Variants in GAS7 observed in about 807,000 individuals in gnomAD.
The protein encoded by GAS7 is growth arrest specific 7.
In GAS7, 28 loss-of-function variants were observed where a neutral mutation model predicts 71.1. The observed-to-expected ratio is 0.39, with a 90% CI of 0.29 to 0.54. GAS7 has a LOEUF of 0.54. Among genes scored for constraint, GAS7 ranks in the 20% least tolerant of loss-of-function variants. The probability of loss-of-function intolerance (pLI) is 0.62; values close to 1 mark genes in which losing one functional copy is unlikely to be tolerated. For synonymous variants in GAS7, 258 were observed against 245.8 expected (o/e 1.05, Z -0.46); for missense variants, 436 against 627.8 (o/e 0.69, Z 3.27).
At chr17:10,094,540 C>A (rs2152257871) in intron 1 of GAS7, among the ~76,000 whole-genome samples, 1 of 152,050 alleles carries the variant, frequency 6.6e-6, no homozygotes, top group East Asian at 1.9e-4. Context: ...GCGATCTCGG[C>A]TCACTGCAAC....
intron 6 of GAS7, among the ~76,000 whole-genome samples, chr17:9,944,654 G>A (rs1051394340): frequency 2.2e-4 from 34 of 152,280 alleles, no homozygotes; most frequent in African/African-American, 7.9e-4. Context: ...ATAACTCAAA[G>A]GCCTCCGGCC....
chr17:10,040,960 G>C (rs2072851961), intron 1 of GAS7, among the ~76,000 whole-genome samples: 1 of 152,142 alleles, frequency 6.6e-6, no homozygotes, highest in Admixed American at 6.5e-5. Flanking sequence ...TCAGGAGTTT[G>C]AGACTAGCAT....
chr17:10,181,202 T>A (rs1368695109), intron 1 of GAS7, among the ~76,000 whole-genome samples: 3 of 146,372 alleles, frequency 2.0e-5, no homozygotes, highest in African/African-American at 7.6e-5. Flanking sequence ...TCTACTACAG[T>A]ACAAAAAATT....
intron 7 of GAS7, among the ~76,000 whole-genome samples, 186 bp downstream of exon 7, chr17:9,942,935 A>G (rs373392823): frequency 6.6e-4 from 101 of 152,306 alleles, no homozygotes; most frequent in African/African-American, 2.2e-3. Flanking sequence ...TAAAAACACT[A>G]TATCGGCCAA....
chr17:10,072,973 G>T (rs752319928), intron 1 of GAS7, among the ~76,000 whole-genome samples: 1 of 152,160 alleles, frequency 6.6e-6, no homozygotes, highest in African/African-American at 2.4e-5. Context: ...TAAGTAAATG[G>T]AGCAAAGTGG....
intron 1 of GAS7, among the ~76,000 whole-genome samples, chr17:10,044,469 T>C (rs753060839): frequency 2.6e-5 from 4 of 152,214 alleles, no homozygotes; most frequent in Admixed American, 1.3e-4. Flanking sequence ...AATGGTGCCA[T>C]ACACAGTCTG....
chr17:10,071,510 C>T (rs1270274590), intron 1 of GAS7, among the ~76,000 whole-genome samples: 1 of 152,172 alleles, frequency 6.6e-6, no homozygotes, highest in African/African-American at 2.4e-5. Flanking sequence ...CGAGGGCTCA[C>T]CCTGCAGACC....
At chr17:10,105,204 C>T (rs1597794677) in intron 1 of GAS7, among the ~76,000 whole-genome samples, 1 of 152,076 alleles carries the variant, frequency 6.6e-6, no homozygotes, top group Non-Finnish European at 1.5e-5. Context: ...GTTGGTAAGG[C>T]GTCTCCCTCT....
chr17:10,173,735 T>C (rs111848666), intron 1 of GAS7, among the ~76,000 whole-genome samples: 26,895 of 151,038 alleles, frequency 0.18, 2,527 homozygotes, highest in Middle Eastern at 0.25. Flanking sequence ...GCCACTGCAC[T>C]GCAGCCTGGG....
At chr17:9,952,106 C>T (rs532700274) in intron 5 of GAS7, among the ~76,000 whole-genome samples, 23 of 152,274 alleles carry the variant, frequency 1.5e-4, no homozygotes, top group Admixed American at 4.6e-4. Context: ...GTCCCAGAGT[C>T]GAGGATGAAC....
rs926587251 is a variant in GAS7 at position 9,911,597 on chromosome 17, C to G, written c.*5631G>C. 2 of 233,028 alleles carry G rather than the reference C, an allele frequency of 8.6e-6. No homozygotes were observed. The highest frequency in any genetic ancestry group is 4.4e-5 in the African/African-American group (2 of 45,314). The allele number at this position is 233,028 out of a possible 1,614,324, so 14.4% of individuals were successfully genotyped here. On this transcript the variant is annotated 3_prime_UTR_variant, in exon 14 of 14. Coordinates refer to ENST00000432992, the MANE Select transcript of GAS7 (RefSeq NM_201433.2). This position sits in a 1 kb window ranked among gnomAD's most constrained non-coding sequence, Gnocchi z 4.0. ...TTTTGCCCTCTGTCTGATTCTCGCTCTAACCTGCTGCAATGGGAATTGCTT... is the reference window on the plus strand; with the variant it reads ...TTTTGCCCTCTGTCTGATTCTCGCTGTAACCTGCTGCAATGGGAATTGCTT...
At chr17:10,150,415 TACACACACACAC>T (rs3051267) in intron 1 of GAS7, among the ~76,000 whole-genome samples, 111 of 145,838 alleles carry the variant, frequency 7.6e-4, no homozygotes, top group Non-Finnish European at 8.7e-4. Flanking sequence ...ACTGGTTAAG[TACACACACACAC>T]ACACACACAC....
intron 2 of GAS7, among the ~76,000 whole-genome samples, chr17:9,983,487 T>C (rs932401746): frequency 4.6e-5 from 7 of 151,758 alleles, no homozygotes; most frequent in Non-Finnish European, 1.0e-4. Flanking sequence ...CAAGACCCTG[T>C]CTCAAAAAAT....
At chr17:10,188,697 G>A (rs531258597) in intron 1 of GAS7, among the ~76,000 whole-genome samples, 35 of 152,138 alleles carry the variant, frequency 2.3e-4, no homozygotes, top group Non-Finnish European at 4.6e-4. Context: ...AGAGTGCAGT[G>A]GTGCAGTCTT....
chr17:10,156,309 G>A (rs543811704), intron 1 of GAS7, among the ~76,000 whole-genome samples: 10 of 152,184 alleles, frequency 6.6e-5, no homozygotes, highest in South Asian at 6.2e-4. Context: ...GGTGCCCTTC[G>A]CCTGTTTCTT....
intron 1 of GAS7, among the ~76,000 whole-genome samples, chr17:10,101,943 G>T (rs1374641403): frequency 6.6e-6 from 1 of 152,016 alleles, no homozygotes; most frequent in Non-Finnish European, 1.5e-5. Context: ...AATTTTCTAA[G>T]GGGTCTGGGA....
In GAS7 at chr17:10,051,235, C is replaced by T. The variant is rs1567569695; in HGVS notation, c.184-31338G>A. On this transcript the variant is annotated intron_variant, in intron 1 of 13. Transcript: ENST00000432992. ...TGGTAGGTACATATTAGCTTCATCC[C>T]ATACTTTTCCATCCCCTTGAGAAAA... 2.6e-5 allele frequency among the ~76,000 whole-genome samples: 4 copies of T among 152,172 alleles called. No homozygotes were observed. The South Asian group carries it at 6.2e-4, about 24-fold the overall frequency.
intron 2 of GAS7, among the ~76,000 whole-genome samples, chr17:10,009,671 CAAAAAAAA>C (rs373722135): frequency 3.8e-5 from 3 of 78,276 alleles, no homozygotes; most frequent in Non-Finnish European, 5.4e-5. Flanking sequence ...GACCCCTTCT[CAAAAAAAA>C]AAAAAAAAAA....
chr17:9,911,682 C>T lies in GAS7; in HGVS notation c.*5546G>A, dbSNP rs922029439. ...CTGAGGGGGAGACAAGAGTCCTCCC[C>T]GGCAAATTTCAACCCAGCAGAGTCC... On this transcript the variant is annotated 3_prime_UTR_variant, in exon 14 of 14. Coordinates refer to ENST00000432992, the MANE Select transcript of GAS7 (RefSeq NM_201433.2). The surrounding 1 kb of genome is among the most constrained non-coding windows in gnomAD (Gnocchi z 4.0). 2.6e-5 allele frequency: 6 copies of T among 232,552 alleles called. No individual in the cohort carries two copies. The highest frequency in any genetic ancestry group is 3.4e-5 in the Non-Finnish European group (4 of 117,668). The allele number at this position is 232,552 out of a possible 1,614,324, so 14.4% of individuals were successfully genotyped here. A position where few individuals can be genotyped will look rare whatever the true frequency, so the allele number is the denominator to read the frequency against.
Sources: allele counts gnomAD v4.1 joint callset (sites outside exome capture counted in the v4.1 genomes callset), GRCh38; gene constraint gnomAD v4.1.1; non-coding constraint Gnocchi (gnomAD v3.1); transcripts MANE v1.5; gene names NCBI Gene and HGNC (gene_info 2026-07-23, HGNC 2026-07-21).